Variants in DUXB observed in about 807,000 individuals in gnomAD.
DUXB encodes double homeobox protein B.
DUXB carries 22 observed loss-of-function variants against 8.9 expected under a neutral mutation model. That is an observed-to-expected ratio of 2.46 (90% CI 1.76 to 3.52). The LOEUF (loss-of-function observed/expected upper bound fraction) is 3.52, where lower values mean the gene tolerates loss of function less well. Ranked by LOEUF, DUXB falls within the 30% of genes most tolerant of loss-of-function variation. DUXB has a pLI of 0.00. For missense variants in DUXB, 237 were observed against 108.7 expected (o/e 2.18, Z -5.25); for synonymous variants, 84 against 37.6 (o/e 2.23, Z -4.52).
chr16:75,698,038 C>T (rs769731567), intron 2 of DUXB, among the ~76,000 whole-genome samples: 7 of 152,122 alleles, frequency 4.6e-5, no homozygotes, highest in South Asian at 2.1e-4. Flanking sequence ...AATTGGAGAC[C>T]GCTATGCTAA....
At chr16:75,699,462 C>G (rs1316279557) in intron 2 of DUXB, among the ~76,000 whole-genome samples, 1 of 152,150 alleles carries the variant, frequency 6.6e-6, no homozygotes, top group African/African-American at 2.4e-5. Context: ...AGAGACTGAG[C>G]CAGTATATTC....
intron 4 of DUXB, 64 bp downstream of exon 4, chr16:75,695,897 A>T (rs1054517933): frequency 8.8e-6 from 6 of 682,796 alleles, no homozygotes; most frequent in African/African-American, 7.1e-5. Flanking sequence ...AAGTTTTTCA[A>T]TAACACCTCC....
rs1430701364 is a variant in DUXB, at chr16:75,694,244, C to T, written c.723G>A (p.Gln241=). Residue 241 remains glutamine, a synonymous_variant, in exon 5 of 5, where the codon CAG becomes CAA. Coordinates refer to ENST00000633875, the MANE Select transcript of DUXB (RefSeq NM_001351307.2). ...GPNVMIMQPT[Q]AVQEGEKSDQ... is the part of the protein sequence containing the mutation. ...CAGACTTCTCTCCTTCCTGCACAGC[C>T]TGTGTGGGCTGCATGATCATGACAT... The T allele has an allele frequency of 5.2e-6, 3 of 572,750 alleles. No homozygotes were observed. Among genetic ancestry groups the T allele is most frequent in the African/African-American group, 3.8e-5 (2 of 52,760 alleles). The allele number at this position is 572,750 out of a possible 1,614,324, so 35.5% of individuals were successfully genotyped here.
intron 3 of DUXB, 130 bp downstream of exon 3, chr16:75,696,708 T>C (rs932747927): frequency 1.7e-6 from 1 of 585,644 alleles, no homozygotes; most frequent in South Asian, 2.2e-5. Context: ...CTAAAAAAAA[T>C]GTAGGATAAT....
At chr16:75,694,569 A>G (rs867918431) in intron 4 of DUXB, 44 bp from the exon 5 acceptor site, 2 of 702,146 alleles carry the variant, frequency 2.8e-6, no homozygotes, top group Non-Finnish European at 2.6e-6. Context: ...GACATAAGCA[A>G]TTGTAACTCT....
chr16:75,694,730 TA>T lies in DUXB; in HGVS notation c.442-206del, dbSNP rs759619109. ...TGAAAATATTTAGAAGAAAACCCAA[TA>T]AAAAAACAATGCAACAATAAAAATA... On this transcript the variant is annotated intron_variant, in intron 4 of 4. Coordinates refer to ENST00000633875, the MANE Select transcript of DUXB (RefSeq NM_001351307.2). 9.2e-5 allele frequency among the ~76,000 whole-genome samples: 14 copies of T among 151,854 alleles called. 1 individual carries two copies. Among genetic ancestry groups the T allele is most frequent in the African/African-American group, 3.1e-4 (13 of 41,342 alleles).
At chr16:75,694,563 T>A (rs751295909) in intron 4 of DUXB, 38 bp from the exon 5 acceptor site, 6 of 702,236 alleles carry the variant, frequency 8.5e-6, no homozygotes, top group South Asian at 7.4e-5. Context: ...TCATAAGACA[T>A]AAGCAATTGT....
chr16:75,698,510 ATC>A (rs1959195697), intron 2 of DUXB: 1 of 152,160 alleles, frequency 6.6e-6, no homozygotes, highest in African/African-American at 2.4e-5. Flanking sequence ...CTTTACAGGT[ATC>A]TCTTTTTCTT....
chr16:75,694,992 CAT>C (rs1190620324), intron 4 of DUXB, among the ~76,000 whole-genome samples: 5 of 152,036 alleles, frequency 3.3e-5, no homozygotes, highest in Non-Finnish European at 7.4e-5. Flanking sequence ...CATGTATGTA[CAT>C]ATGTTTGTTA....
chr16:75,695,820 T>G (rs1347358338), intron 4 of DUXB, 141 bp downstream of exon 4: 1 of 596,164 alleles, frequency 1.7e-6, no homozygotes, highest in Admixed American at 3.0e-5. Context: ...AAACGGGACT[T>G]TCAGTGCCAG....
At chr16:75,698,751 A>C (rs1426937772) in intron 2 of DUXB, 1 of 152,272 alleles carries the variant, frequency 6.6e-6, no homozygotes, top group Admixed American at 6.5e-5. Flanking sequence ...GGCACAGTAT[A>C]GCACAGAATG....
At chr16:75,697,234 CTCTG>C (rs1307365943) in intron 2 of DUXB, among the ~76,000 whole-genome samples, 107 of 152,164 alleles carry the variant, frequency 7.0e-4, no homozygotes, top group South Asian at 6.2e-4. Context: ...AAGGATCGCT[CTCTG>C]TCTCTCTCTT....
At chr16:75,695,475 C>T (rs532571860) in intron 4 of DUXB, among the ~76,000 whole-genome samples, 1 of 152,332 alleles carries the variant, frequency 6.6e-6, no homozygotes, top group African/African-American at 2.4e-5. Flanking sequence ...ATCACTATCC[C>T]CATAACTTAG....
chr16:75,696,975 C>T, intron 2 of DUXB, 32 bp from the exon 3 acceptor site: 2 of 698,420 alleles, frequency 2.9e-6, no homozygotes, highest in African/African-American at 1.7e-5. Flanking sequence ...GATAGTCATA[C>T]AACTCAGTGT....
In DUXB at chr16:75,694,251, G is replaced by A. The variant is rs1368416731; in HGVS notation, c.716C>T (p.Pro239Leu). The A allele has an allele frequency of 1.7e-6, 1 of 584,436 alleles. No individual in the cohort carries two copies. The highest frequency in any genetic ancestry group is 3.0e-6 in the Non-Finnish European group (1 of 331,900). 36.2% of individuals were successfully genotyped at this position (584,436 alleles called of 1,614,324 possible). ...SQGPNVMIMQPTQAVQEGEKS... is the reference protein window; with the variant it reads ...SQGPNVMIMQLTQAVQEGEKS... Reference sequence around the variant, plus strand: ...CTCTCCTTCCTGCACAGCCTGTGTGGGCTGCATGATCATGACATTTGGTCC... The same window carrying A: ...CTCTCCTTCCTGCACAGCCTGTGTGAGCTGCATGATCATGACATTTGGTCC... Residue 239 changes from proline to leucine, a missense_variant, in exon 5 of 5, where the codon CCC (proline) becomes CTC (leucine). Physicochemically the swap from Pro to Leu is moderately conservative, Grantham distance 98. Coordinates refer to ENST00000633875, the MANE Select transcript of DUXB (RefSeq NM_001351307.2).
At position 75,695,943 on chromosome 16, in the gene DUXB, C is replaced by G. The variant is rs1292797939; in HGVS notation, c.441+18G>C. The stretch of plus-strand genomic sequence containing the variant: ...ATCACAGGCAGGACATAGTTGGGAT[C>G]ACACACATAGAACTTACTTGAATTC... On this transcript the variant is annotated intron_variant, in intron 4 of 4. Transcript: ENST00000633875. 5.7e-6 allele frequency: 4 copies of G among 702,872 alleles called. 1 individual carries two copies. The South Asian group carries it at 5.9e-5, about 10-fold the overall frequency. 43.5% of individuals were successfully genotyped at this position (702,872 alleles called of 1,614,324 possible). A position where few individuals can be genotyped will look rare whatever the true frequency, so the allele number is the denominator to read the frequency against.
chr16:75,696,575 A>C (rs542335968), intron 3 of DUXB, among the ~76,000 whole-genome samples: 1 of 152,120 alleles, frequency 6.6e-6, no homozygotes, highest in Non-Finnish European at 1.5e-5. Context: ...AAAAATAAAA[A>C]AATAAAAAGC....
chr16:75,696,848 A>T lies in DUXB; in HGVS notation c.276T>A (p.His92Gln), dbSNP rs903572666. 2 of 702,614 alleles carry T rather than the reference A, an allele frequency of 2.8e-6. No individual in the cohort carries two copies. The highest frequency in any genetic ancestry group is 1.7e-5 in the African/African-American group (1 of 57,206). 43.5% of individuals were successfully genotyped at this position (702,614 alleles called of 1,614,324 possible). A position where few individuals can be genotyped will look rare whatever the true frequency, so the allele number is the denominator to read the frequency against. The part of the protein sequence containing the change: ...DQTQGHDQSQ[H>Q]LTQEYLPKEA... ...ATTGAGCATTCTTACCTTGAGTCAG[A>T]TGCTGGGACTGGTCATGCCCCTGGG... The change falls in exon 3 of 5, where the codon CAT becomes CAA. Residue 92 changes from histidine (H) to glutamine (Q), a missense_variant. By Grantham distance (24) the His-to-Gln change is conservative (BLOSUM62 0). Coordinates refer to ENST00000633875, the MANE Select transcript of DUXB (RefSeq NM_001351307.2).
At chr16:75,696,267 C>A (rs116559961) in intron 3 of DUXB, among the ~76,000 whole-genome samples, 152 bp from the exon 4 acceptor site, 1 of 152,170 alleles carries the variant, frequency 6.6e-6, no homozygotes, top group East Asian at 1.9e-4. Flanking sequence ...AAGCCCAGAG[C>A]TAGGCTGGGC....
Sources: allele counts gnomAD v4.1 joint callset (sites outside exome capture counted in the v4.1 genomes callset), GRCh38; gene constraint gnomAD v4.1.1; transcripts MANE v1.5; gene names NCBI Gene and HGNC (gene_info 2026-07-23, HGNC 2026-07-21).